The following TRPV3 variants were observed in gnomAD, a reference collection of about 807,000 sequenced individuals.
TRPV3 encodes transient receptor potential cation channel subfamily V member 3, also known as VRL-3.
TRPV3 carries 88 observed loss-of-function variants against 87.1 expected under a neutral mutation model. The observed-to-expected ratio is 1.01, with a 90% CI of 0.85 to 1.21. The LOEUF is 1.21. TRPV3 is among the 50% of genes most tolerant of loss of function. The pLI is 0.00. For missense variants in TRPV3, 1,054 were observed against 1,030.1 expected (o/e 1.02, Z -0.32); for synonymous variants, 438 against 423.3 (o/e 1.03, Z -0.43).
At chr17:3,535,472 C>T (rs1440570593) in intron 7 of TRPV3, 101 bp downstream of exon 7, 1 of 1,066,504 alleles carries the variant, frequency 9.4e-7, no homozygotes, top group South Asian at 2.1e-5. Context: ...CCTCTTTCTT[C>T]CCCCCTCCTC....
In TRPV3 at chr17:3,517,802, G is replaced by A. The variant is rs180986744; in HGVS notation, c.2085+774C>T. On this transcript the variant is annotated intron_variant, in intron 15 of 17. Transcript: ENST00000576742. ...AAAGGCACGCTCACCTTTTTCCAATGAGCATTTCTTTTTTTTTTTTTTTTT... is the reference window on the plus strand; with the variant it reads ...AAAGGCACGCTCACCTTTTTCCAATAAGCATTTCTTTTTTTTTTTTTTTTT... 1.7e-3 allele frequency among the ~76,000 whole-genome samples: 215 copies of A among 125,576 alleles called. 2 individuals carry two copies. The highest frequency in any genetic ancestry group is 6.1e-3 in the African/African-American group (210 of 34,562). The allele number at this position is 125,576 out of a possible 152,430, so 82.4% of individuals were successfully genotyped here.
chr17:3,535,871 C>G (rs1364455046), intron 6 of TRPV3, among the ~76,000 whole-genome samples, 158 bp from the exon 7 acceptor site: 1 of 152,226 alleles, frequency 6.6e-6, no homozygotes, highest in Non-Finnish European at 1.5e-5. Context: ...TTCTTTGCTT[C>G]CTTCATGCCT....
chr17:3,539,849 A>C (rs1478000486), intron 6 of TRPV3, among the ~76,000 whole-genome samples: 1 of 152,154 alleles, frequency 6.6e-6, no homozygotes, highest in Non-Finnish European at 1.5e-5. Context: ...CTTTAAAATG[A>C]TATGAATAAA....
In TRPV3 at chr17:3,523,893, T is replaced by TACACACACACACAC. The variant is rs1247800485; in HGVS notation, c.1743+304_1743+305insGTGTGTGTGTGTGT. Reference sequence around the variant, plus strand: ...ATATATGGAATATACATATTCCACCTACACACACACACATACACACACACA... The same window carrying TACACACACACACAC: ...ATATATGGAATATACATATTCCACCTACACACACACACACACACACACACACATACACACACACA... On this transcript the variant is annotated intron_variant, in intron 13 of 17. Coordinates refer to ENST00000576742, the MANE Select transcript of TRPV3 (RefSeq NM_145068.4). 7.3e-3 allele frequency among the ~76,000 whole-genome samples: 1,086 copies of TACACACACACACAC among 148,008 alleles called. 18 individuals carry two copies. Among genetic ancestry groups the TACACACACACACAC allele is most frequent in the African/African-American group, 0.026 (1,006 of 38,690 alleles).
intron 2 of TRPV3, chr17:3,546,864 A>T (rs931674356): frequency 3.4e-6 from 1 of 297,354 alleles, no homozygotes; most frequent in Non-Finnish European, 6.8e-6. Context: ...GCTATTCAGG[A>T]GGCTGAGGCA....
Position 3,532,792 on chromosome 17 carries a change from G to C in TRPV3, c.930C>G (p.Phe310Leu), listed in dbSNP as rs563900736. 6.2e-7 allele frequency: 1 copy of C among 1,614,128 alleles called. No homozygotes were observed. The highest frequency in any genetic ancestry group is 8.5e-7 in the Non-Finnish European group (1 of 1,180,042). Reference protein sequence around the residue: ...LHALVTVAEDFKTQNDFVKRM... With the variant: ...LHALVTVAEDLKTQNDFVKRM... ...GCTTCACAAAGTCATTCTGCGTCTT[G>C]AAGTCCTCGGCCACGGTCACCAGGG... Residue 310 changes from phenylalanine (F) to leucine (L), a missense_variant, in exon 8 of 18, where the codon TTC becomes TTG. Coordinates refer to ENST00000576742, the MANE Select transcript of TRPV3 (RefSeq NM_145068.4).
Position 3,518,537 on chromosome 17 carries a change from C to T in TRPV3, c.2085+39G>A, listed in dbSNP as rs562436329. 2.6e-6 allele frequency: 4 copies of T among 1,526,514 alleles called. No homozygotes were observed. Among genetic ancestry groups the T allele is most frequent in the East Asian group, 2.5e-5 (1 of 40,808 alleles). The allele number at this position is 1,526,514 out of a possible 1,614,324, so 94.6% of individuals were successfully genotyped here. On this transcript the variant is annotated intron_variant, in intron 15 of 17. Coordinates refer to ENST00000576742, the MANE Select transcript of TRPV3 (RefSeq NM_145068.4). This position sits in a 1 kb window ranked among gnomAD's most constrained non-coding sequence, Gnocchi z 4.3. Reference sequence around the variant, plus strand: ...AATGACCACGTGCTGAACTGAGTCCCGTGGAGGCCCCCACGCTGGGGTCTC... The same window carrying T: ...AATGACCACGTGCTGAACTGAGTCCTGTGGAGGCCCCCACGCTGGGGTCTC...
rs7216486 is a variant in TRPV3 at position 3,518,738 on chromosome 17, G to A, written c.1923C>T (p.Asp641=). The A allele has an allele frequency of 0.54, 874,922 of 1,612,890 alleles. 244,216 individuals are homozygous for A. The highest frequency in any genetic ancestry group is 0.96 in the East Asian group (42,980 of 44,862). ...ELFKLTIGLG[D]LNIQQNSKYP... is the part of the protein sequence containing the mutation. ...ACTTGGAGTTCTGCTGGATGTTCAG[G>A]TCACCCAGGCCTATGGTGAGCTTGA... Residue 641 remains aspartate (D), a synonymous_variant, in exon 15 of 18, where the codon GAC becomes GAT. Transcript: ENST00000576742. The surrounding 1 kb of genome is among the most constrained non-coding windows in gnomAD (Gnocchi z 4.3).
intron 2 of TRPV3, chr17:3,546,650 G>T (rs2074528678): frequency 2.2e-6 from 1 of 456,076 alleles, no homozygotes; most frequent in South Asian, 1.5e-5. Flanking sequence ...CTTGCCCAAG[G>T]TCACGCAGCA....
intron 15 of TRPV3, 123 bp from the exon 16 acceptor site, chr17:3,516,692 T>C (rs542492740): frequency 1.1e-5 from 8 of 710,082 alleles, no homozygotes; most frequent in African/African-American, 1.1e-4. Flanking sequence ...TCGCAAGGGT[T>C]TGGCTAATCT....
Position 3,514,611 on chromosome 17 carries a change from C to G in TRPV3, c.2260G>C (p.Gly754Arg), listed in dbSNP as rs1290064114. 1 of 1,613,942 alleles carries G rather than the reference C, an allele frequency of 6.2e-7. No individual in the cohort carries two copies. The highest frequency in any genetic ancestry group is 8.5e-7 in the Non-Finnish European group (1 of 1,179,828). ...ACAGTACCTGTTCGTCTTACAGGCC[C>G]CGGGTCTTCGTTAAGGAAGGAGACG... ...THVSFLNEDP[G>R]PVRRTDFNKI... Residue 754 changes from glycine to arginine, a missense_variant, in exon 17 of 18, where the codon GGG becomes CGG. By Grantham distance (125) the Gly-to-Arg change is moderately radical. Transcript: ENST00000576742.
Position 3,511,813 on chromosome 17 carries a change from A to G in TRPV3, c.*2104T>C, listed in dbSNP as rs990298442. The G allele has an allele frequency of 6.6e-6, 1 of 152,248 alleles. No individual in the cohort carries two copies. Among genetic ancestry groups the G allele is most frequent in the African/African-American group, 2.4e-5 (1 of 41,470 alleles). The allele number at this position is 152,248 out of a possible 1,614,324, so 9.4% of individuals were successfully genotyped here. On this transcript the variant is annotated 3_prime_UTR_variant, in exon 18 of 18. Coordinates refer to ENST00000576742, the MANE Select transcript of TRPV3 (RefSeq NM_145068.4). ...AGCAACTCTGGATACGGCTTTATCCATAACAGATACGGCTTTATCCATTAA... is the reference window on the plus strand; with the variant it reads ...AGCAACTCTGGATACGGCTTTATCCGTAACAGATACGGCTTTATCCATTAA...
Position 3,533,648 on chromosome 17 carries a change from G to A in TRPV3, c.785-711C>T, listed in dbSNP as rs571333338. On this transcript the variant is annotated intron_variant, in intron 7 of 17. Transcript: ENST00000576742. ...TGAGTAGCTGGGACTACAGGCGCCC[G>A]CCACCACGCCCGGCTAATTTTTGTA... 2.4e-4 allele frequency among the ~76,000 whole-genome samples: 37 copies of A among 152,004 alleles called. 2 individuals carry two copies. In the South Asian group the frequency reaches 6.3e-3, roughly 26 times the overall value.
rs753185336 is a variant in TRPV3 at position 3,544,583 on chromosome 17, G to A, written c.307C>T (p.Pro103Ser). 4 of 1,602,752 alleles carry A rather than the reference G, an allele frequency of 2.5e-6. No homozygotes were observed. Among genetic ancestry groups the A allele is most frequent in the African/African-American group, 2.7e-5 (2 of 74,526 alleles). Residue 103 changes from proline (P) to serine (S), a missense_variant, in exon 4 of 18, where the codon CCC (proline) becomes TCC (serine). Transcript: ENST00000576742. ...VTETPSNPNS[P>S]SAQLAKEEQR... Reference sequence around the variant, plus strand: ...GAGGGGGAGGGGCAGACTTACCTGGGGCTGTTGGGATTGGATGGGGTCTCT... The same window carrying A: ...GAGGGGGAGGGGCAGACTTACCTGGAGCTGTTGGGATTGGATGGGGTCTCT...
chr17:3,535,768 TG>T (rs1203751648), intron 6 of TRPV3, 55 bp from the exon 7 acceptor site: 1 of 1,410,422 alleles, frequency 7.1e-7, no homozygotes, highest in Non-Finnish European at 9.2e-7. Context: ...AGGGGCCTCT[TG>T]CCCACCCGCT....
chr17:3,534,828 G>A (rs1465229525), intron 7 of TRPV3, among the ~76,000 whole-genome samples: 1 of 152,020 alleles, frequency 6.6e-6, no homozygotes, highest in Non-Finnish European at 1.5e-5. Context: ...CTACCCTGGG[G>A]CAAGTCCTTT....
At chr17:3,535,787 C>T (rs1393156663) in intron 6 of TRPV3, 74 bp from the exon 7 acceptor site, 1 of 1,378,482 alleles carries the variant, frequency 7.3e-7, no homozygotes, top group African/African-American at 1.5e-5. Context: ...GCTCTGGCCT[C>T]CATACCCTCC....
intron 17 of TRPV3, 160 bp from the exon 18 acceptor site, chr17:3,514,171 C>A: frequency 1.7e-6 from 1 of 577,488 alleles, no homozygotes; most frequent in Non-Finnish European, 2.9e-6. Flanking sequence ...CTCCACCTCC[C>A]AGGTTCAAGC....
intron 2 of TRPV3, among the ~76,000 whole-genome samples, chr17:3,548,108 G>T (rs1025809800): frequency 7.2e-5 from 11 of 152,282 alleles, no homozygotes; most frequent in South Asian, 4.1e-4. Context: ...GACCAGCAGG[G>T]CCTCTCCAGG....
Sources: allele counts gnomAD v4.1 joint callset (sites outside exome capture counted in the v4.1 genomes callset), GRCh38; gene constraint gnomAD v4.1.1; non-coding constraint Gnocchi (gnomAD v3.1); transcripts MANE v1.5; gene names NCBI Gene and HGNC (gene_info 2026-07-23, HGNC 2026-07-21).